Variants in MRPL54 observed in about 807,000 individuals in gnomAD.
The protein encoded by MRPL54 is mitochondrial ribosomal protein L54.
MRPL54 carries 12 observed loss-of-function variants against 15.6 expected under a neutral mutation model. The observed-to-expected ratio is 0.77, with a 90% CI of 0.49 to 1.24. MRPL54 has a LOEUF of 1.24. Ranked by LOEUF, MRPL54 falls within the 50% of genes most tolerant of loss-of-function variation. MRPL54 has a pLI of 0.00. For synonymous variants in MRPL54, 91 were observed against 75.7 expected, an observed-to-expected ratio of 1.20 and a Z score of -1.05; for missense variants, 178 against 186.8, an observed-to-expected ratio of 0.95 and a Z score of 0.28.
rs755484715 is a variant in MRPL54, at chr19:3,765,227, C to T, written c.180C>T (p.Asp60=). The change falls in exon 2 of 3, where the codon GAC becomes GAT. Residue 60 remains aspartate, a synonymous_variant. Coordinates refer to ENST00000330133, the MANE Select transcript of MRPL54 (RefSeq NM_172251.3). The stretch of plus-strand genomic sequence containing the variant: ...CCAGCGAGGCCCTCAAGGACCCCGA[C>T]GTATGCACAGATCCTGTCCAGCTCA... ...AVTSEALKDP[D]VCTDPVQLTT... The T allele has an allele frequency of 4.3e-5, 70 of 1,613,766 alleles. No individual in the cohort carries two copies. Among genetic ancestry groups the T allele is most frequent in the South Asian group, 8.8e-5 (8 of 91,062 alleles).
intron 1 of MRPL54, among the ~76,000 whole-genome samples, chr19:3,764,514 T>C (rs974537546): frequency 2.0e-5 from 3 of 151,742 alleles, no homozygotes; most frequent in Non-Finnish European, 4.4e-5. Flanking sequence ...TTCAAGTGAT[T>C]CTCCTGCCTC....
At chr19:3,767,191 G>A (rs1297896230) in intron 2 of MRPL54, 70 bp from the exon 3 acceptor site, 3 of 1,538,178 alleles carry the variant, frequency 2.0e-6, no homozygotes, top group African/African-American at 1.4e-5. Flanking sequence ...GCCTCTGCCC[G>A]AGGTGCCCGG....
chr19:3,765,378 C>CTGGG, intron 2 of MRPL54, 47 bp downstream of exon 2: 1 of 1,598,078 alleles, frequency 6.3e-7, no homozygotes, highest in Non-Finnish European at 8.5e-7. Flanking sequence ...TTCCTTCCTC[C>CTGGG]GCCCCAGGAG....
chr19:3,766,470 T>G (rs1338049133), intron 2 of MRPL54, among the ~76,000 whole-genome samples: 1 of 152,214 alleles, frequency 6.6e-6, no homozygotes, highest in Non-Finnish European at 1.5e-5. Context: ...CACCTCGGCC[T>G]CCCAAAGTGC....
At chr19:3,766,691 G>C (rs1218127443) in intron 2 of MRPL54, among the ~76,000 whole-genome samples, 1 of 152,232 alleles carries the variant, frequency 6.6e-6, no homozygotes, top group African/African-American at 2.4e-5. Flanking sequence ...GCAGGAGAAT[G>C]AGGGACAGAG....
chr19:3,765,743 T>C (rs895592217), intron 2 of MRPL54, among the ~76,000 whole-genome samples: 4 of 151,558 alleles, frequency 2.6e-5, no homozygotes, highest in Non-Finnish European at 5.9e-5. Context: ...ACTAAAAATA[T>C]AAAAATTAGC....
Position 3,762,836 on chromosome 19 carries a change from G to A in MRPL54, c.118+18G>A, listed in dbSNP as rs767351051. 5 of 1,534,184 alleles carry A rather than the reference G, an allele frequency of 3.3e-6. No individual in the cohort carries two copies. The South Asian group carries it at 4.7e-5, about 15-fold the overall frequency. ...GAAACCAGGTGAGCTGGGTTAAGAG[G>A]AACCAAATGGGGACGGTGGGTGCAC... is the stretch of plus-strand genomic sequence containing the variant. On this transcript the variant is annotated intron_variant, in intron 1 of 2. Coordinates refer to ENST00000330133, the MANE Select transcript of MRPL54 (RefSeq NM_172251.3).
At position 3,767,285 on chromosome 19, in the gene MRPL54, C is replaced by G. The variant is rs562740630; in HGVS notation, c.309C>G (p.Pro103=). ...PEWLFEMNLG[P]PKTLEELDPE... ...GGCTGTTCGAGATGAACTTGGGTCC[C>G]CCAAAGACCCTGGAGGAGCTGGACC... Residue 103 remains proline, a synonymous_variant, in exon 3 of 3, where the codon CCC becomes CCG. Transcript: ENST00000330133. The G allele has an allele frequency of 6.2e-7, 1 of 1,612,666 alleles. No individual in the cohort carries two copies. Among genetic ancestry groups the G allele is most frequent in the Non-Finnish European group, 8.5e-7 (1 of 1,179,512 alleles).
chr19:3,765,018 C>G (rs11673572), intron 1 of MRPL54, 148 bp from the exon 2 acceptor site: 486 of 814,196 alleles, frequency 6.0e-4, no homozygotes, highest in Middle Eastern at 7.7e-4. Context: ...CAGAGCGAGA[C>G]TCCGTCTCAA....
intron 2 of MRPL54, among the ~76,000 whole-genome samples, chr19:3,765,945 T>C (rs983932688): frequency 9.9e-5 from 15 of 151,320 alleles, no homozygotes; most frequent in African/African-American, 3.6e-4. Context: ...GGAGTCTTGC[T>C]CTGTCACCCA....
At chr19:3,767,191 G>C in intron 2 of MRPL54, 70 bp from the exon 3 acceptor site, 1 of 1,538,296 alleles carries the variant, frequency 6.5e-7, no homozygotes, top group Non-Finnish European at 8.7e-7. Context: ...GCCTCTGCCC[G>C]AGGTGCCCGG....
chr19:3,766,494 G>A (rs142558276), intron 2 of MRPL54, among the ~76,000 whole-genome samples: 77 of 152,346 alleles, frequency 5.1e-4, no homozygotes, highest in African/African-American at 1.7e-3. Context: ...GAGTACAGGC[G>A]TGAGCCGCCG....
In MRPL54 at chr19:3,766,510, G is replaced by A. The variant is rs1207138355; in HGVS notation, c.285-751G>A. Among the ~76,000 whole-genome samples, 6 of 152,200 alleles carry A rather than the reference G, an allele frequency of 3.9e-5. 1 individual carries two copies. The highest frequency in any genetic ancestry group is 8.8e-5 in the Non-Finnish European group (6 of 68,026). ...AGTACAGGCGTGAGCCGCCGCACCC[G>A]TCCTGCAAATACTTATTGACCACTG... On this transcript the variant is annotated intron_variant, in intron 2 of 2. Coordinates refer to ENST00000330133, the MANE Select transcript of MRPL54 (RefSeq NM_172251.3).
chr19:3,764,915 C>A (rs1314375275), intron 1 of MRPL54, among the ~76,000 whole-genome samples: 1 of 151,552 alleles, frequency 6.6e-6, no homozygotes, highest in Non-Finnish European at 1.5e-5. Flanking sequence ...GTAGTCCCAG[C>A]TACTTGGGAG....
Position 3,765,245 on chromosome 19 carries a change from C to T in MRPL54, c.198C>T (p.Val66=), listed in dbSNP as rs147676035. 9.3e-6 allele frequency: 15 copies of T among 1,613,874 alleles called. No homozygotes were observed. The African/African-American group carries it at 1.5e-4, about 16-fold the overall frequency. The change falls in exon 2 of 3, where the codon GTC becomes GTT. Residue 66 remains valine, a synonymous_variant. Coordinates refer to ENST00000330133, the MANE Select transcript of MRPL54 (RefSeq NM_172251.3). ...ACCCCGACGTATGCACAGATCCTGT[C>T]CAGCTCACCACATATGCCATGGGCG... is the stretch of plus-strand genomic sequence containing the variant. ...LKDPDVCTDP[V]QLTTYAMGVN...
chr19:3,762,772 C>T lies in MRPL54; in HGVS notation c.72C>T (p.Pro24=). The change falls in exon 1 of 3, where the codon CCC becomes CCT. Residue 24 remains proline, a synonymous_variant. Transcript: ENST00000330133. ...AGWGAWELLN[P]ATSGRLLARD... ...GGGGGGCCTGGGAGCTCCTAAACCC[C>T]GCCACTTCCGGAAGACTCCTGGCCC... 7.5e-6 allele frequency: 12 copies of T among 1,607,412 alleles called. No homozygotes were observed. Among genetic ancestry groups the T allele is most frequent in the Non-Finnish European group, 1.0e-5 (12 of 1,177,186 alleles).
Position 3,767,421 on chromosome 19 carries a change from C to G in MRPL54, c.*28C>G. ...TGGAGGGCCCGGCATCGCTGACCCC[C>G]ACGCCGAGGGCTTGCCGTTTTCCCG... On this transcript the variant is annotated 3_prime_UTR_variant, in exon 3 of 3. Coordinates refer to ENST00000330133, the MANE Select transcript of MRPL54 (RefSeq NM_172251.3). The G allele has an allele frequency of 1.2e-6, 2 of 1,601,122 alleles. No individual in the cohort carries two copies. Among genetic ancestry groups the G allele is most frequent in the Non-Finnish European group, 8.5e-7 (1 of 1,175,958 alleles).
intron 2 of MRPL54, among the ~76,000 whole-genome samples, chr19:3,766,224 C>G (rs1321210990): frequency 1.3e-5 from 2 of 152,038 alleles, no homozygotes; most frequent in African/African-American, 4.8e-5. Flanking sequence ...ATTACAGGTG[C>G]CCGCCGTCAC....
At position 3,764,493 on chromosome 19, in the gene MRPL54, C is replaced by T. The variant is rs564170710; in HGVS notation, c.119-673C>T. 1.1e-3 allele frequency among the ~76,000 whole-genome samples: 163 copies of T among 151,978 alleles called. 1 individual carries two copies. Among genetic ancestry groups the T allele is most frequent in the East Asian group, 5.3e-3 (27 of 5,090 alleles). On this transcript the variant is annotated intron_variant, in intron 1 of 2. Coordinates refer to ENST00000330133, the MANE Select transcript of MRPL54 (RefSeq NM_172251.3). ...TGCGATCTCAGCTCACTGCAACCTC[C>T]GCCTCCCGGGTTCAAGTGATTCTCC...
Sources: gnomAD v4.1 joint callset for allele counts (sites outside exome capture counted in the v4.1 genomes callset) on GRCh38, gnomAD v4.1.1 for gene constraint, MANE v1.5 for transcripts, NCBI Gene and HGNC (gene_info 2026-07-23, HGNC 2026-07-21) for gene names.